CLEC16A: variants seen among roughly 807,000 people sequenced by gnomAD.
CLEC16A encodes the protein C-type lectin domain containing 16A, also known as protein CLEC16A.
In CLEC16A, 51 loss-of-function variants were observed where a neutral mutation model predicts 109.5. The ratio of observed to expected loss-of-function variants is 0.47; its 90% CI spans 0.37 to 0.59. CLEC16A has a LOEUF of 0.59. Among genes scored for constraint, CLEC16A ranks in the 20% least tolerant of loss-of-function variants. The pLI is 0.00. For synonymous variants in CLEC16A, 673 were observed against 564.2 expected (o/e 1.19, Z -2.73); for missense variants, 1,339 against 1,394.0 (o/e 0.96, Z 0.63).
intron 10 of CLEC16A, among the ~76,000 whole-genome samples, chr16:10,994,256 G>A (rs540897982): frequency 2.0e-5 from 3 of 152,292 alleles, no homozygotes; most frequent in South Asian, 2.1e-4. Flanking sequence ...CGGCAGTGCC[G>A]TCAAATCGCC....
intron 10 of CLEC16A, among the ~76,000 whole-genome samples, chr16:10,994,938 T>C (rs2044241884): frequency 6.6e-6 from 1 of 152,236 alleles, no homozygotes; most frequent in South Asian, 2.1e-4. Context: ...TTGAGCCATG[T>C]GGCAGGAAGG....
At chr16:11,001,094 T>C (rs958533735) in intron 10 of CLEC16A, among the ~76,000 whole-genome samples, 3 of 149,650 alleles carry the variant, frequency 2.0e-5, no homozygotes, top group African/African-American at 7.3e-5. Context: ...GTCTATACCC[T>C]TTTTTTTTTA....
chr16:11,120,891 A>G, intron 20 of CLEC16A, 125 bp downstream of exon 20: 1 of 998,444 alleles, frequency 1.0e-6, no homozygotes. Flanking sequence ...TATACAAGGT[A>G]TATGTGAACA....
intron 22 of CLEC16A, among the ~76,000 whole-genome samples, chr16:11,129,660 G>T (rs1047378001): frequency 6.6e-6 from 1 of 152,022 alleles, no homozygotes; most frequent in African/African-American, 2.4e-5. Context: ...GCTGCCTCCC[G>T]CTAACGGCTC....
intron 19 of CLEC16A, among the ~76,000 whole-genome samples, chr16:11,089,433 G>GGTCA (rs1485662773): frequency 1.7e-4 from 26 of 152,218 alleles, no homozygotes; most frequent in Admixed American, 1.6e-3. Context: ...AACGCTGAGG[G>GGTCA]GTCAGCCTTT....
intron 3 of CLEC16A, among the ~76,000 whole-genome samples, chr16:10,968,167 G>C (rs2042604594): frequency 6.6e-6 from 1 of 152,338 alleles, no homozygotes; most frequent in African/African-American, 2.4e-5. Context: ...TGCCTTGCAG[G>C]GTGGCTGGTA....
chr16:10,994,087 C>G (rs1361297693), intron 10 of CLEC16A, among the ~76,000 whole-genome samples: 1 of 152,202 alleles, frequency 6.6e-6, no homozygotes, highest in Non-Finnish European at 1.5e-5. Context: ...GTTCCAATTC[C>G]TGAGAGATGG....
intron 10 of CLEC16A, among the ~76,000 whole-genome samples, chr16:10,984,266 T>G (rs1474962520): frequency 1.3e-5 from 2 of 152,178 alleles, no homozygotes; most frequent in Non-Finnish European, 2.9e-5. Context: ...CAGGTCATTT[T>G]GTTATTCAGG....
At chr16:10,987,043 A>G (rs1436050650) in intron 10 of CLEC16A, among the ~76,000 whole-genome samples, 2 of 151,724 alleles carry the variant, frequency 1.3e-5, no homozygotes, top group Non-Finnish European at 2.9e-5. Flanking sequence ...TTTAGTAGAG[A>G]TGGGATTTTA....
chr16:10,948,292 A>C (rs2041536916), intron 1 of CLEC16A, among the ~76,000 whole-genome samples: 1 of 151,834 alleles, frequency 6.6e-6, no homozygotes, highest in African/African-American at 2.4e-5. Context: ...TCTTTGTAAC[A>C]CTCCCAGCTT....
In CLEC16A at chr16:10,948,575, G is replaced by A. The variant is rs566470548; in HGVS notation, c.80+3778G>A. Among the ~76,000 whole-genome samples the A allele has an allele frequency of 5.8e-4, 88 of 152,344 alleles. 1 individual carries two copies. The highest frequency in any genetic ancestry group is 5.6e-3 in the South Asian group (27 of 4,824). The stretch of plus-strand genomic sequence containing the variant: ...TGAAACATCATCTTTACCAGGGACT[G>A]CAAGTCTGCGGCTGGTAGAAATTGG... On this transcript the variant is annotated intron_variant, in intron 1 of 23. Coordinates refer to ENST00000409790, the MANE Select transcript of CLEC16A (RefSeq NM_015226.3).
intron 22 of CLEC16A, among the ~76,000 whole-genome samples, chr16:11,149,164 G>A (rs971057975): frequency 3.3e-5 from 5 of 152,294 alleles, no homozygotes; most frequent in Non-Finnish European, 5.9e-5. Context: ...GGCTGTCGGA[G>A]CACAAGTCAC....
intron 22 of CLEC16A, among the ~76,000 whole-genome samples, chr16:11,158,918 T>G (rs1412557594): frequency 1.4e-5 from 1 of 73,702 alleles, no homozygotes; most frequent in African/African-American, 8.3e-5. Context: ...AGACTCCAGC[T>G]CAGGGAAAAA....
At chr16:11,091,887 G>A (rs1052614608) in intron 19 of CLEC16A, among the ~76,000 whole-genome samples, 2 of 152,066 alleles carry the variant, frequency 1.3e-5, no homozygotes, top group African/African-American at 4.8e-5. Flanking sequence ...CAGGAAAGGT[G>A]TGCTTAAGTA....
intron 11 of CLEC16A, among the ~76,000 whole-genome samples, chr16:11,017,535 C>T (rs2045831363): frequency 6.6e-6 from 1 of 152,174 alleles, no homozygotes; most frequent in Admixed American, 6.5e-5. Context: ...TAAGTGTGGC[C>T]TGTGTTTACT....
intron 19 of CLEC16A, among the ~76,000 whole-genome samples, chr16:11,106,499 C>G (rs1031918891): frequency 1.6e-4 from 23 of 141,310 alleles, no homozygotes; most frequent in Non-Finnish European, 2.7e-4. Flanking sequence ...TGCTATGTTT[C>G]CCAGGCGAGA....
chr16:10,998,798 TGA>T (rs2044485444), intron 10 of CLEC16A, among the ~76,000 whole-genome samples: 1 of 152,042 alleles, frequency 6.6e-6, no homozygotes, highest in Non-Finnish European at 1.5e-5. Context: ...GGGGTAGAGA[TGA>T]GAGCACAGTG....
At chr16:11,055,091 A>G (rs1218846309) in intron 18 of CLEC16A, among the ~76,000 whole-genome samples, 1 of 152,204 alleles carries the variant, frequency 6.6e-6, no homozygotes, top group African/African-American at 2.4e-5. Context: ...AAGAGCTGCT[A>G]GATTCTTGCT....
chr16:11,025,254 A>C (rs1037949543), intron 13 of CLEC16A, among the ~76,000 whole-genome samples: 1 of 152,118 alleles, frequency 6.6e-6, no homozygotes, highest in Non-Finnish European at 1.5e-5. Context: ...CTCTTTCCTA[A>C]CATCAGAACT....
Sources: allele counts gnomAD v4.1 joint callset (sites outside exome capture counted in the v4.1 genomes callset), GRCh38; gene constraint gnomAD v4.1.1; transcripts MANE v1.5; gene names NCBI Gene and HGNC (gene_info 2026-07-23, HGNC 2026-07-21).